ARHGAP4: variants seen among roughly 807,000 people sequenced by gnomAD.
ARHGAP4 encodes rho GTPase-activating protein 4.
A neutral mutation model predicts 67.6 loss-of-function variants in ARHGAP4; 25 were observed. The observed-to-expected ratio is 0.37, with a 90% CI of 0.27 to 0.52. The LOEUF is 0.52. Ranked by LOEUF, ARHGAP4 falls within the 20% of genes least tolerant of loss-of-function variation. The pLI, the probability that ARHGAP4 is intolerant of heterozygous loss-of-function variation, is 0.92. For synonymous variants in ARHGAP4, 448 were observed against 373.7 expected (o/e 1.20, Z -2.29); for missense variants, 804 against 854.6 (o/e 0.94, Z 0.74).
In ARHGAP4 at chrX:153,919,199, C is replaced by T. The variant is rs1557104717; in HGVS notation, c.766G>A (p.Ala256Thr). Residue 256 changes from alanine to threonine, a missense_variant, in exon 6 of 22, where the codon GCT (alanine) becomes ACT (threonine). Around this residue, in one of 2 missense-constraint regions of ARHGAP4, gnomAD observed 404 missense variants for 505.9 expected, o/e 0.80. Transcript: ENST00000350060. ...TCATGCAGGTAGTAGTTACTGACAG[C>T]AGCGTTGACACTAGCCAGGCTAAGC... ...YLLSLASVNA[A>T]VSNYYLHDVL... 8 of 1,211,044 alleles carry T rather than the reference C, an allele frequency of 6.6e-6. No homozygotes were observed. The Middle Eastern group carries it at 9.1e-4, about 138-fold the overall frequency.
chrX:153,915,603 G>A (rs1397438297), intron 7 of ARHGAP4, among the ~76,000 whole-genome samples: 2 of 111,154 alleles, frequency 1.8e-5, no homozygotes, highest in African/African-American at 6.6e-5. Flanking sequence ...TAAATAAGTA[G>A]GTTAAAAATA....
chrX:153,914,828 A>G (rs1317111922), intron 7 of ARHGAP4, among the ~76,000 whole-genome samples: 1 of 112,291 alleles, frequency 8.9e-6, no homozygotes, highest in Non-Finnish European at 1.9e-5. Context: ...GCAGACATAA[A>G]TTTCCCTGTG....
At position 153,909,746 on chromosome X, in the gene ARHGAP4, G is replaced by A. The variant is rs374821227; in HGVS notation, c.2409C>T (p.Pro803=). ...GLIPHKYITL[P]AGTEKQVVGA... ...TGAGGGCGCGGCTCACTCACCCGGC[G>A]GGCAGCGTGATATACTTGTGGGGGA... Residue 803 remains proline (P), a synonymous_variant, in exon 19 of 22, where the codon CCC becomes CCT. Coordinates refer to ENST00000350060, the MANE Select transcript of ARHGAP4 (RefSeq NM_001666.5). 200 of 1,187,801 alleles carry A rather than the reference G, an allele frequency of 1.7e-4. No homozygotes were observed. The highest frequency in any genetic ancestry group is 2.1e-4 in the Non-Finnish European group (182 of 884,620).
chrX:153,919,080 G>C (rs1557104692), intron 6 of ARHGAP4, 27 bp from the exon 7 acceptor site: 1 of 1,209,240 alleles, frequency 8.3e-7, no homozygotes, highest in East Asian at 3.0e-5. Context: ...GAGATGCTTG[G>C]GTAGGTCCTG....
intron 1 of ARHGAP4, among the ~76,000 whole-genome samples, chrX:153,925,794 T>C (rs1557106059): frequency 8.9e-6 from 1 of 112,865 alleles, no homozygotes; most frequent in East Asian, 2.8e-4. Context: ...GACTTCACTG[T>C]AGCTAAAATA....
chrX:153,911,604 T>G (rs935355578), intron 12 of ARHGAP4, among the ~76,000 whole-genome samples: 2 of 112,150 alleles, frequency 1.8e-5, no homozygotes, highest in African/African-American at 6.5e-5. Context: ...ACACCAATCT[T>G]GAATCAAGTA....
rs377139657 is a variant in ARHGAP4, at chrX:153,907,967, C to T, written c.2608-5G>A. On this transcript the variant is annotated splice_polypyrimidine_tract_variant and splice_region_variant and intron_variant, in intron 21 of 21. Coordinates refer to ENST00000350060, the MANE Select transcript of ARHGAP4 (RefSeq NM_001666.5). ...GTCCATGTTCTGTGCCACAGCCTAG[C>T]GGAGGGGAAAGAAAGGGAGAGTGAC... 140 of 1,135,301 alleles carry T rather than the reference C, an allele frequency of 1.2e-4. No homozygotes were observed. The highest frequency in any genetic ancestry group is 1.3e-4 in the Non-Finnish European group (114 of 858,630). The allele number at this position is 1,135,301 out of a possible 1,213,427, so 93.6% of individuals were successfully genotyped here.
rs200450466 is a variant in ARHGAP4 at position 153,921,458 on chromosome X, G to A, written c.342C>T (p.Ser114=). ...AVLLQHTRQQ[S]RESAALSEVL... ...CCTCACTCAGGGCCGCGCTCTCCCG[G>A]CTCTGCTGCCGCGTGTGCTGCAGCA... The change falls in exon 3 of 22, where the codon AGC becomes AGT. Residue 114 remains serine, a synonymous_variant. Coordinates refer to ENST00000350060, the MANE Select transcript of ARHGAP4 (RefSeq NM_001666.5). 727 of 1,203,929 alleles carry A rather than the reference G, an allele frequency of 6.0e-4. 5 individuals are homozygous for A. The African/African-American group carries it at 0.012, about 19-fold the overall frequency.
Position 153,910,054 on chromosome X carries a change from T to C in ARHGAP4, c.2188A>G (p.Asn730Asp), listed in dbSNP as rs144977464. Residue 730 changes from asparagine (N) to aspartate (D), a missense_variant, in exon 18 of 22, where the codon AAT becomes GAT. Physicochemically the swap from Asn to Asp is conservative, Grantham distance 23. Coordinates refer to ENST00000350060, the MANE Select transcript of ARHGAP4 (RefSeq NM_001666.5). ...DAQLESLGAD[N>D]EPELEAEMPA... ...ATCTCGGCTTCCAGCTCCGGCTCAT[T>C]GTCCGCCCCCAGGCTCTCCAGCTGG... 3.6e-5 allele frequency: 44 copies of C among 1,209,826 alleles called. No individual in the cohort carries two copies. The highest frequency in any genetic ancestry group is 3.8e-5 in the Non-Finnish European group (34 of 895,168).
chrX:153,926,209 C>T lies in ARHGAP4; in HGVS notation c.-7G>A, dbSNP rs1557106267. 2.5e-6 allele frequency: 3 copies of T among 1,190,221 alleles called. No homozygotes were observed. Among genetic ancestry groups the T allele is most frequent in the Admixed American group, 2.2e-5 (1 of 44,833 alleles). ...GCTTCCCGTGAGCGGCCATGGCGGC[C>T]TCGCGGCCGCGCCGTCGAACCCCAC... On this transcript the variant is annotated 5_prime_UTR_variant, in exon 1 of 22. Coordinates refer to ENST00000350060, the MANE Select transcript of ARHGAP4 (RefSeq NM_001666.5).
Position 153,920,816 on chromosome X carries a change from G to GCACCACC in ARHGAP4, c.499-9_499-8insGGTGGTG. The GCACCACC allele has an allele frequency of 8.3e-7, 1 of 1,211,725 alleles. No homozygotes were observed. The highest frequency in any genetic ancestry group is 1.1e-6 in the Non-Finnish European group (1 of 895,280). ...CTGGTACGTCTTCTTGGCCTGCAGG[G>GCACCACC]AGACCCAAAGCAAGGTGGTGCTGGT... On this transcript the variant is annotated splice_polypyrimidine_tract_variant and intron_variant, in intron 4 of 21. Transcript: ENST00000350060.
rs2064999961 is a variant in ARHGAP4 at position 153,909,515 on chromosome X, C to T, written c.2435G>A (p.Gly812Asp). The change falls in exon 20 of 22, where the codon GGC (glycine) becomes GAC (aspartate). Residue 812 changes from glycine to aspartate, a missense_variant. Physicochemically the swap from Gly to Asp is moderately conservative, Grantham distance 94. This residue lies in a region of ARHGAP4 where 400 missense variants were observed against 348.7 expected (regional missense o/e 1.15). Coordinates refer to ENST00000350060, the MANE Select transcript of ARHGAP4 (RefSeq NM_001666.5). ...LPAGTEKQVVGAGLQTAGESG... is the reference protein window; with the variant it reads ...LPAGTEKQVVDAGLQTAGESG... ...CTCCCCTGCAGTCTGCAGCCCTGCG[C>T]CCACCACCTGCTTCTCCGTCCTGCG... is the stretch of plus-strand genomic sequence containing the variant. 2 of 1,209,130 alleles carry T rather than the reference C, an allele frequency of 1.7e-6. No homozygotes were observed. The highest frequency in any genetic ancestry group is 2.2e-6 in the Non-Finnish European group (2 of 894,358).
chrX:153,910,329 C>G lies in ARHGAP4; in HGVS notation c.1998G>C (p.Pro666=), dbSNP rs782406427. The part of the protein sequence containing the change: ...LAVCFGPTLL[P]VPAGQDPVAL... ...CCACCGGGTCCTGCCCAGCGGGCAC[C>G]GGTAGCAGCGTGGGCCCGAAGCACA... Residue 666 remains proline (P), a synonymous_variant, in exon 17 of 22, where the codon CCG becomes CCC. Transcript: ENST00000350060. 1.1e-5 allele frequency: 13 copies of G among 1,208,843 alleles called. No homozygotes were observed. The highest frequency in any genetic ancestry group is 1.2e-5 in the Non-Finnish European group (11 of 894,170).
chrX:153,910,463 C>T (rs2065010768), intron 16 of ARHGAP4, 43 bp downstream of exon 16: 3 of 1,140,963 alleles, frequency 2.6e-6, no homozygotes, highest in South Asian at 1.9e-5. Context: ...CCTGTCCCCT[C>T]GACCCCTGGC....
chrX:153,923,871 G>A (rs1006437384), intron 1 of ARHGAP4, among the ~76,000 whole-genome samples: 15 of 111,646 alleles, frequency 1.3e-4, no homozygotes, highest in Admixed American at 9.5e-4. Flanking sequence ...TCCGCCTCCC[G>A]GGTTCAAGCG....
chrX:153,918,767 A>C, intron 7 of ARHGAP4, 65 bp downstream of exon 7: 1 of 1,100,501 alleles, frequency 9.1e-7, no homozygotes, highest in Non-Finnish European at 1.2e-6. Flanking sequence ...GGGTCATGCC[A>C]CTCCACTGCC....
At chrX:153,913,634 T>C in intron 8 of ARHGAP4, 34 bp from the exon 9 acceptor site, 1 of 1,183,685 alleles carries the variant, frequency 8.4e-7, no homozygotes. Flanking sequence ...TGGTAAGAGG[T>C]GGGGGACAGG....
In ARHGAP4 at chrX:153,913,889, G is replaced by T. The variant is rs2065038308; in HGVS notation, c.1033-10C>A. On this transcript the variant is annotated splice_polypyrimidine_tract_variant and intron_variant, in intron 7 of 21. Transcript: ENST00000350060. The stretch of plus-strand genomic sequence containing the variant: ...CGCAGATCTCAGCCACCTGCAGAGG[G>T]CGGCGGCCAGGGGGCTAAGGGCTGG... 1 of 1,204,977 alleles carries T rather than the reference G, an allele frequency of 8.3e-7. No homozygotes were observed. Among genetic ancestry groups the T allele is most frequent in the East Asian group, 3.0e-5 (1 of 33,772 alleles).
At chrX:153,914,851 CAGCTTGCCTCATGGGCAG>C (rs782119756) in intron 7 of ARHGAP4, among the ~76,000 whole-genome samples, 3 of 112,140 alleles carry the variant, frequency 2.7e-5, no homozygotes, top group African/African-American at 9.7e-5. Flanking sequence ...AAGATGAGAG[CAGCTTGCCTCATGGGCAG>C]AGTGGGAGCC....
Sources: gnomAD v4.1 joint callset for allele counts (sites outside exome capture counted in the v4.1 genomes callset) on GRCh38, gnomAD v4.1.1 for gene constraint, gnomAD v4.1.1 regional missense constraint, MANE v1.5 for transcripts, NCBI Gene and HGNC (gene_info 2026-07-23, HGNC 2026-07-21) for gene names.